TMEM232: variants seen among roughly 807,000 people sequenced by gnomAD.
TMEM232 encodes transmembrane protein 232.
In TMEM232, 80 loss-of-function variants were observed where a neutral mutation model predicts 78.8. The ratio of observed to expected loss-of-function variants is 1.01; its 90% CI spans 0.85 to 1.22. TMEM232 has a LOEUF of 1.22. Among genes scored for constraint, TMEM232 ranks in the 50% most tolerant of loss-of-function variants. TMEM232 has a pLI of 0.00. For synonymous variants in TMEM232, 297 were observed against 254.3 expected (o/e 1.17, Z -1.60); for missense variants, 881 against 742.2 (o/e 1.19, Z -2.17).
chr5:110,630,344 G>C (rs553136806), intron 5 of TMEM232, among the ~76,000 whole-genome samples: 1 of 152,298 alleles, frequency 6.6e-6, no homozygotes, highest in South Asian at 2.1e-4. Context: ...AACTAGGAGA[G>C]AACACTGGAG....
chr5:110,545,962 C>T (rs983073209), intron 11 of TMEM232, among the ~76,000 whole-genome samples: 2 of 152,070 alleles, frequency 1.3e-5, no homozygotes, highest in Non-Finnish European at 2.9e-5. Context: ...CATCAATTAA[C>T]ATTTGTTTAT....
intron 12 of TMEM232, among the ~76,000 whole-genome samples, chr5:110,525,873 AT>A (rs1050712854): frequency 1.3e-4 from 19 of 151,382 alleles, no homozygotes; most frequent in African/African-American, 4.6e-4. Flanking sequence ...AGAATAAAAA[AT>A]TCAGAATTAG....
chr5:110,568,682 T>G, intron 10 of TMEM232, 57 bp from the exon 11 acceptor site: 1 of 1,466,370 alleles, frequency 6.8e-7, no homozygotes, highest in African/African-American at 1.4e-5. Flanking sequence ...TGCTAAAGTA[T>G]GATTGTGTGA....
At chr5:110,520,967 G>A (rs1769415730) in intron 12 of TMEM232, among the ~76,000 whole-genome samples, 1 of 152,068 alleles carries the variant, frequency 6.6e-6, no homozygotes, top group African/African-American at 2.4e-5. Flanking sequence ...CTGTGGGTGA[G>A]GAATTTGGGT....
chr5:110,560,201 T>A (rs1265943847), intron 11 of TMEM232, among the ~76,000 whole-genome samples: 1 of 152,154 alleles, frequency 6.6e-6, no homozygotes, highest in African/African-American at 2.4e-5. Context: ...CATGATCTAT[T>A]AAGGTTGAAT....
intron 12 of TMEM232, among the ~76,000 whole-genome samples, chr5:110,524,383 G>GAAAA (rs1770145757): frequency 5.0e-5 from 3 of 59,520 alleles, no homozygotes; most frequent in African/African-American, 2.6e-4. Context: ...AAGAAAGAAA[G>GAAAA]AAAGAAAGAA....
At chr5:110,708,567 T>TA (rs1247472278) in intron 1 of TMEM232, among the ~76,000 whole-genome samples, 2 of 137,682 alleles carry the variant, frequency 1.5e-5, no homozygotes, top group East Asian at 2.2e-4. Flanking sequence ...GACATAAAGT[T>TA]AAAAAACAGG....
intron 13 of TMEM232, among the ~76,000 whole-genome samples, chr5:110,424,291 C>A (rs944988286): frequency 1.3e-5 from 2 of 152,022 alleles, no homozygotes; most frequent in African/African-American, 2.4e-5. Flanking sequence ...TATTTTAATT[C>A]TACTCTTTAA....
At chr5:110,448,288 A>C (rs1759885171) in intron 12 of TMEM232, among the ~76,000 whole-genome samples, 1 of 152,088 alleles carries the variant, frequency 6.6e-6, no homozygotes. Flanking sequence ...TAAGTACTTA[A>C]ACTAAGAGAT....
chr5:110,568,523 A>G lies in TMEM232; in HGVS notation c.1379T>C (p.Met460Thr). The G allele has an allele frequency of 5.2e-6, 8 of 1,549,450 alleles. No homozygotes were observed. Among genetic ancestry groups the G allele is most frequent in the Non-Finnish European group, 6.1e-6 (7 of 1,145,722 alleles). Residue 460 changes from methionine to threonine, a missense_variant, in exon 11 of 14, where the codon ATG becomes ACG. Physicochemically the swap from Met to Thr is moderately conservative, Grantham distance 81 (BLOSUM62 -1). Transcript: ENST00000455884. ...GDEEQDGLRN[M>T]IWQTLQKTKD... The stretch of plus-strand genomic sequence containing the variant: ...TGTTTTCTGCAATGTTTGCCATATC[A>G]TGTTTCTAAGTCCATCCTGTTCTTC...
At chr5:110,444,060 G>A (rs1016201730) in intron 12 of TMEM232, among the ~76,000 whole-genome samples, 1 of 152,076 alleles carries the variant, frequency 6.6e-6, no homozygotes, top group African/African-American at 2.4e-5. Context: ...GGGAAGGGGT[G>A]ATGCAAGCAC....
At chr5:110,587,949 A>G (rs550708711) in intron 10 of TMEM232, among the ~76,000 whole-genome samples, 2 of 150,856 alleles carry the variant, frequency 1.3e-5, no homozygotes, top group African/African-American at 2.4e-5. Flanking sequence ...GCTAACACAT[A>G]TATATATATT....
chr5:110,449,028 G>A (rs1759978605), intron 12 of TMEM232, among the ~76,000 whole-genome samples: 1 of 151,978 alleles, frequency 6.6e-6, no homozygotes, highest in Non-Finnish European at 1.5e-5. Flanking sequence ...GTAATATTAT[G>A]TAGCTTACAT....
chr5:110,461,873 G>A (rs572048096), intron 12 of TMEM232, among the ~76,000 whole-genome samples: 1 of 152,108 alleles, frequency 6.6e-6, no homozygotes, highest in East Asian at 1.9e-4. Flanking sequence ...GCATATTTTA[G>A]GAACTACTGT....
intron 1 of TMEM232, among the ~76,000 whole-genome samples, chr5:110,717,951 T>C (rs1797188721): frequency 1.3e-5 from 2 of 152,144 alleles, no homozygotes; most frequent in South Asian, 2.1e-4. Context: ...GCAGTGAGAA[T>C]GGACTAATAC....
chr5:110,437,400 T>C (rs186054324), intron 12 of TMEM232, among the ~76,000 whole-genome samples: 3 of 152,094 alleles, frequency 2.0e-5, no homozygotes, highest in Admixed American at 2.0e-4. Flanking sequence ...ATTTTAAAGA[T>C]GCATATATTT....
chr5:110,530,721 G>A (rs769637362), intron 11 of TMEM232, among the ~76,000 whole-genome samples: 20 of 152,234 alleles, frequency 1.3e-4, no homozygotes, highest in Non-Finnish European at 2.5e-4. Context: ...AGGGGCTGAC[G>A]GGTGAAGGGC....
chr5:110,670,157 A>C (rs1488539582), intron 1 of TMEM232, among the ~76,000 whole-genome samples: 3 of 152,188 alleles, frequency 2.0e-5, no homozygotes, highest in Non-Finnish European at 1.5e-5. Flanking sequence ...GAAAGAAATA[A>C]AGGGTATTCA....
At chr5:110,610,174 C>T (rs1782008987) in intron 8 of TMEM232, among the ~76,000 whole-genome samples, 1 of 117,614 alleles carries the variant, frequency 8.5e-6, no homozygotes, top group South Asian at 2.8e-4. Flanking sequence ...CATACCTATT[C>T]CTATCTAATT....
Sources: allele counts gnomAD v4.1 joint callset (sites outside exome capture counted in the v4.1 genomes callset), GRCh38; gene constraint gnomAD v4.1.1; transcripts MANE v1.5; gene names NCBI Gene and HGNC (gene_info 2026-07-23, HGNC 2026-07-21).